The following APAF1 variants were observed in gnomAD, a reference collection of about 807,000 sequenced individuals.
APAF1 encodes apoptotic protease-activating factor 1.
APAF1 carries 91 observed loss-of-function variants against 152.4 expected under a neutral mutation model. The ratio of observed to expected loss-of-function variants is 0.60; its 90% CI spans 0.50 to 0.71. APAF1 has a LOEUF of 0.71. Among genes scored for constraint, APAF1 ranks in the 30% least tolerant of loss-of-function variants. The pLI is 0.00. For synonymous variants in APAF1, 484 were observed against 494.1 expected (o/e 0.98, Z 0.27); for missense variants, 1,283 against 1,472.0 (o/e 0.87, Z 2.10).
At position 98,715,460 on chromosome 12, in the gene APAF1, T is replaced by G; in HGVS notation, c.2992T>G (p.Ser998Ala). The G allele has an allele frequency of 4.3e-6, 7 of 1,613,560 alleles. No homozygotes were observed. Among genetic ancestry groups the G allele is most frequent in the Non-Finnish European group, 5.9e-6 (7 of 1,179,764 alleles). Residue 998 changes from serine (S) to alanine (A), a missense_variant, in exon 22 of 27, where the codon TCC (serine) becomes GCC (alanine). Ser to Ala is a moderately conservative substitution (Grantham distance 99, BLOSUM62 1). Coordinates refer to ENST00000551964, the MANE Select transcript of APAF1 (RefSeq NM_181861.2). ...LELVNNRIFQSRFQHKKTVWH... is the reference protein window; with the variant it reads ...LELVNNRIFQARFQHKKTVWH... ...ACTTGTAAACAATAGAATCTTCCAG[T>G]CCAGGTTTCAGCACAAGAAAACTGT... is the stretch of plus-strand genomic sequence containing the variant.
At chr12:98,704,503 C>G (rs1416453216) in intron 18 of APAF1, among the ~76,000 whole-genome samples, 2 of 152,184 alleles carry the variant, frequency 1.3e-5, no homozygotes, top group Admixed American at 6.5e-5. Context: ...CCAGCCTTGC[C>G]CATTACTGTG....
chr12:98,720,740 C>T (rs1054578812), intron 22 of APAF1, among the ~76,000 whole-genome samples: 5 of 152,054 alleles, frequency 3.3e-5, no homozygotes, highest in Non-Finnish European at 7.4e-5. Flanking sequence ...CCGAGGCGGG[C>T]GGATCACGAG....
Position 98,732,460 on chromosome 12 carries a change from A to G in APAF1, c.3641A>G (p.Tyr1214Cys), listed in dbSNP as rs1167283390. Residue 1214 changes from tyrosine (Y) to cysteine (C), a missense_variant, in exon 27 of 27, where the codon TAC becomes TGC. Transcript: ENST00000551964. ...VVTGESSQTF[Y>C]TNGTNLKKIH... ...ACTGGGGAATCCTCACAGACCTTCTACACAAATGGAACCAATCTTAAGAAA... is the reference window on the plus strand; with the variant it reads ...ACTGGGGAATCCTCACAGACCTTCTGCACAAATGGAACCAATCTTAAGAAA... The G allele has an allele frequency of 6.2e-7, 1 of 1,612,422 alleles. No homozygotes were observed. The highest frequency in any genetic ancestry group is 8.5e-7 in the Non-Finnish European group (1 of 1,178,430).
chr12:98,653,269 A>G (rs1420585768), intron 4 of APAF1, among the ~76,000 whole-genome samples: 2 of 152,174 alleles, frequency 1.3e-5, no homozygotes, highest in African/African-American at 4.8e-5. Context: ...TTAAAAGTAC[A>G]GATAATATAA....
In APAF1 at chr12:98,670,987, A is replaced by C; in HGVS notation, c.1509A>C (p.Leu503Phe). The C allele has an allele frequency of 6.2e-7, 1 of 1,612,488 alleles. No homozygotes were observed. The highest frequency in any genetic ancestry group is 8.5e-7 in the Non-Finnish European group (1 of 1,178,948). Residue 503 changes from leucine (L) to phenylalanine (F), a missense_variant, in exon 11 of 27, where the codon TTA (leucine) becomes TTC (phenylalanine). By Grantham distance (22) the Leu-to-Phe change is conservative. Coordinates refer to ENST00000551964, the MANE Select transcript of APAF1 (RefSeq NM_181861.2). ...SAKMHKELCA[L>F]MFSLDWIKAK... ...GTTTTTTAAAGGAACTTTGTGCTTT[A>C]ATGTTTTCCCTGGATTGGATTAAAG...
chr12:98,702,841 CAAA>C (rs201068873), intron 17 of APAF1, among the ~76,000 whole-genome samples: 3 of 81,122 alleles, frequency 3.7e-5, no homozygotes, highest in Admixed American at 1.4e-4. Context: ...AAGTCTGTCT[CAAA>C]AAAAAAAAAA....
chr12:98,699,686 C>T, intron 17 of APAF1, 117 bp downstream of exon 17: 1 of 1,180,350 alleles, frequency 8.5e-7, no homozygotes, highest in South Asian at 1.3e-5. Context: ...TGATTTTGGG[C>T]AGTCTTCCTA....
intron 17 of APAF1, among the ~76,000 whole-genome samples, chr12:98,702,521 T>C (rs1441745908): frequency 6.6e-6 from 1 of 152,068 alleles, no homozygotes; most frequent in Non-Finnish European, 1.5e-5. Flanking sequence ...CATTTATAAA[T>C]CTTAAAAATT....
intron 22 of APAF1, among the ~76,000 whole-genome samples, chr12:98,720,188 T>A (rs1160770669): frequency 6.6e-6 from 1 of 152,240 alleles, no homozygotes; most frequent in African/African-American, 2.4e-5. Flanking sequence ...GCTTGACGAT[T>A]TCAGGTATTC....
At chr12:98,655,633 A>G (rs1454185009) in intron 4 of APAF1, among the ~76,000 whole-genome samples, 1 of 152,140 alleles carries the variant, frequency 6.6e-6, no homozygotes, top group African/African-American at 2.4e-5. Flanking sequence ...TTTATTTTTG[A>G]GACAGAGTCT....
chr12:98,658,640 A>G (rs2097660790), intron 4 of APAF1, among the ~76,000 whole-genome samples: 1 of 152,188 alleles, frequency 6.6e-6, no homozygotes, highest in South Asian at 2.1e-4. Context: ...ATGTTCCAGG[A>G]CATCAGTAGT....
intron 22 of APAF1, among the ~76,000 whole-genome samples, chr12:98,719,436 G>A (rs1469653530): frequency 3.9e-5 from 6 of 151,916 alleles, no homozygotes; most frequent in African/African-American, 7.3e-5. Context: ...TGCAGCCTCC[G>A]CCTCCTGGGT....
At position 98,670,979 on chromosome 12, in the gene APAF1, T is replaced by G; in HGVS notation, c.1501T>G (p.Cys501Gly). Residue 501 changes from cysteine (C) to glycine (G), a missense_variant, in exon 11 of 27, where the codon TGT becomes GGT. Transcript: ENST00000551964. ...TACTTTTTGTTTTTTAAAGGAACTT[T>G]GTGCTTTAATGTTTTCCCTGGATTG... ...MASAKMHKEL[C>G]ALMFSLDWIK... 6.2e-7 allele frequency: 1 copy of G among 1,611,260 alleles called. No homozygotes were observed. The highest frequency in any genetic ancestry group is 8.5e-7 in the Non-Finnish European group (1 of 1,177,738).
At chr12:98,712,507 C>T in intron 21 of APAF1, 72 bp downstream of exon 21, 2 of 908,844 alleles carry the variant, frequency 2.2e-6, no homozygotes, top group African/African-American at 1.6e-5. Context: ...TGGCATTGTG[C>T]ACTTCTATTT....
intron 18 of APAF1, among the ~76,000 whole-genome samples, 200 bp downstream of exon 18, chr12:98,703,699 T>A (rs901112387): frequency 2.6e-5 from 4 of 152,340 alleles, no homozygotes; most frequent in African/African-American, 9.6e-5. Context: ...ATTGCAGACT[T>A]GATTTGACAG....
chr12:98,662,443 T>G lies in APAF1; in HGVS notation c.711-13T>G. 4 of 1,576,854 alleles carry G rather than the reference T, an allele frequency of 2.5e-6. No homozygotes were observed. The highest frequency in any genetic ancestry group is 3.5e-6 in the Non-Finnish European group (4 of 1,146,544). ...AAGTGTCATTAGTGATTAATATTTT[T>G]TTTTTAAATTAGGTCTCTCTTGATC... On this transcript the variant is annotated splice_polypyrimidine_tract_variant and intron_variant, in intron 5 of 26. Transcript: ENST00000551964.
rs753313527 is a variant in APAF1 at position 98,708,712 on chromosome 12, T to G, written c.2841+8T>G. The G allele has an allele frequency of 6.2e-7, 1 of 1,611,060 alleles. No individual in the cohort carries two copies. The highest frequency in any genetic ancestry group is 1.3e-5 in the African/African-American group (1 of 75,010). ...CATATAAGACGTCTGCAAGTGAGTA[T>G]TTTTTAGAAAACAATTGGAAAATTG... On this transcript the variant is annotated splice_region_variant and intron_variant, in intron 20 of 26. Coordinates refer to ENST00000551964, the MANE Select transcript of APAF1 (RefSeq NM_181861.2).
intron 23 of APAF1, 120 bp downstream of exon 23, chr12:98,723,432 A>G: frequency 1.7e-6 from 2 of 1,196,532 alleles, no homozygotes; most frequent in South Asian, 1.3e-5. Context: ...AATTTTTCTC[A>G]TGCTTGTTTT....
At chr12:98,650,342 TG>T in intron 4 of APAF1, among the ~76,000 whole-genome samples, 1 of 151,858 alleles carries the variant, frequency 6.6e-6, no homozygotes, top group East Asian at 1.9e-4. Context: ...AAAAATCAGC[TG>T]GGTGTGGTGG....
Sources: gnomAD v4.1 joint callset for allele counts (sites outside exome capture counted in the v4.1 genomes callset) on GRCh38, gnomAD v4.1.1 for gene constraint, MANE v1.5 for transcripts, NCBI Gene and HGNC (gene_info 2026-07-23, HGNC 2026-07-21) for gene names.